Variants in MSRA observed in about 807,000 individuals in gnomAD.
The protein encoded by MSRA is mitochondrial peptide methionine sulfoxide reductase.
A neutral mutation model predicts 31.3 loss-of-function variants in MSRA; 54 were observed. The observed-to-expected ratio is 1.73, with a 90% confidence interval of 1.39 to 2.17. The LOEUF is 2.17. MSRA is among the 30% of genes most tolerant of loss of function. The pLI, the probability that MSRA is intolerant of heterozygous loss-of-function variation, is 0.00. For missense variants in MSRA, 507 were observed against 300.9 expected (o/e 1.69, Z -5.07); for synonymous variants, 169 against 116.5 (o/e 1.45, Z -2.90).
In MSRA at chr8:10,200,205, G is replaced by A. The variant is rs75719456; in HGVS notation, c.143-7628G>A. ...AGCGGGCCAGATGGTCGTGGAGGGC[G>A]GGGTTGACTGCGGGGAGGCCGTGGT... On this transcript the variant is annotated intron_variant, in intron 1 of 5. Coordinates refer to ENST00000317173, the MANE Select transcript of MSRA (RefSeq NM_012331.5). Among the ~76,000 whole-genome samples the A allele has an allele frequency of 2.9e-3, 445 of 152,312 alleles. 12 individuals carry two copies. The East Asian group carries it at 0.061, about 21-fold the overall frequency.
chr8:10,239,530 G>C (rs2975723), intron 2 of MSRA, among the ~76,000 whole-genome samples: 147,425 of 152,358 alleles, frequency 0.97, 71,489 homozygotes, highest in East Asian at 1. Flanking sequence ...GCTTGCAAGG[G>C]TGTGGCACAA....
intron 5 of MSRA, among the ~76,000 whole-genome samples, chr8:10,414,163 T>C (rs2129190522): frequency 6.6e-6 from 1 of 152,018 alleles, no homozygotes; most frequent in East Asian, 1.9e-4. Context: ...TGAGACTCTG[T>C]CTATGAAGAA....
At chr8:10,425,676 C>T (rs1563468198) in intron 5 of MSRA, among the ~76,000 whole-genome samples, 1 of 152,194 alleles carries the variant, frequency 6.6e-6, no homozygotes, top group Non-Finnish European at 1.5e-5. Flanking sequence ...AGCTCAGGGC[C>T]GGGAGCGAGG....
intron 5 of MSRA, among the ~76,000 whole-genome samples, chr8:10,329,438 T>G (rs1169920115): frequency 6.6e-6 from 1 of 152,198 alleles, no homozygotes; most frequent in Non-Finnish European, 1.5e-5. Flanking sequence ...GATCTCGTCC[T>G]GCATCTCTCT....
At chr8:10,295,256 C>G (rs978431675) in intron 3 of MSRA, among the ~76,000 whole-genome samples, 14 of 152,128 alleles carry the variant, frequency 9.2e-5, no homozygotes, top group Non-Finnish European at 1.9e-4. Flanking sequence ...TCAGCTCCAC[C>G]TGACTTCAAG....
At chr8:10,142,655 A>T (rs1563144460) in intron 1 of MSRA, among the ~76,000 whole-genome samples, 1 of 152,086 alleles carries the variant, frequency 6.6e-6, no homozygotes. Context: ...TACAACTCTG[A>T]CTTCTGTTTG....
At chr8:10,390,718 A>G (rs1424451244) in intron 5 of MSRA, among the ~76,000 whole-genome samples, 1 of 151,948 alleles carries the variant, frequency 6.6e-6, no homozygotes, top group Non-Finnish European at 1.5e-5. Context: ...TTTAACCCTG[A>G]TGAGGGGATG....
intron 5 of MSRA, among the ~76,000 whole-genome samples, chr8:10,413,353 A>G (rs769278498): frequency 1.8e-4 from 28 of 152,346 alleles, no homozygotes; most frequent in Middle Eastern, 3.4e-3. Context: ...CCACACCTGA[A>G]AGAGAAGACA....
chr8:10,054,791 C>T (rs1802225015), intron 1 of MSRA, 133 bp downstream of exon 1: 2 of 1,076,336 alleles, frequency 1.9e-6, no homozygotes, highest in African/African-American at 3.3e-5. Context: ...GGGGTCTGCG[C>T]AGGCGCGAAG....
intron 1 of MSRA, among the ~76,000 whole-genome samples, chr8:10,110,236 G>A (rs1397369838): frequency 6.6e-6 from 1 of 152,174 alleles, no homozygotes; most frequent in Non-Finnish European, 1.5e-5. Context: ...GGTTTGGACT[G>A]TTTCAGTGGA....
At chr8:10,329,511 C>T (rs1425689877) in intron 5 of MSRA, among the ~76,000 whole-genome samples, 1 of 152,226 alleles carries the variant, frequency 6.6e-6, no homozygotes, top group Non-Finnish European at 1.5e-5. Context: ...TCCCGCATCT[C>T]AACCCCCCTT....
chr8:10,284,482 A>G (rs1378862739), intron 3 of MSRA, among the ~76,000 whole-genome samples: 1 of 152,156 alleles, frequency 6.6e-6, no homozygotes, highest in African/African-American at 2.4e-5. Context: ...GCATGAGCCA[A>G]CATGCCCGGC....
At chr8:10,103,102 A>G (rs1302794370) in intron 1 of MSRA, among the ~76,000 whole-genome samples, 1 of 152,220 alleles carries the variant, frequency 6.6e-6, no homozygotes, top group Non-Finnish European at 1.5e-5. Flanking sequence ...TTTCTACTTT[A>G]TTAATTTAGA....
chr8:10,251,543 A>C (rs1361598500), intron 3 of MSRA, among the ~76,000 whole-genome samples: 1 of 152,188 alleles, frequency 6.6e-6, no homozygotes, highest in East Asian at 1.9e-4. Flanking sequence ...TTAGGCGTAA[A>C]ATTGGACCTT....
chr8:10,331,395 CAG>C (rs1020564313), intron 5 of MSRA, among the ~76,000 whole-genome samples: 50 of 152,310 alleles, frequency 3.3e-4, no homozygotes, highest in African/African-American at 1.2e-3. Context: ...AAATTAAGAA[CAG>C]TGGAATGTTG....
Position 10,207,888 on chromosome 8 carries a change from G to A in MSRA, c.198G>A (p.Gln66=). The A allele has an allele frequency of 6.2e-7, 1 of 1,611,354 alleles. No individual in the cohort carries two copies. Among genetic ancestry groups the A allele is most frequent in the African/African-American group, 1.3e-5 (1 of 74,740 alleles). Residue 66 remains glutamine (Q), a synonymous_variant, in exon 2 of 6, where the codon CAG becomes CAA. Coordinates refer to ENST00000317173, the MANE Select transcript of MSRA (RefSeq NM_012331.5). ...RTVEPFPEGT[Q]MAVFGMGCFW... ...TCGAACCTTTCCCAGAGGGAACACA[G>A]ATGGCTGTATTTGGTAAGATATCAA...
intron 5 of MSRA, among the ~76,000 whole-genome samples, chr8:10,335,244 A>C (rs1229880201): frequency 5.4e-5 from 7 of 129,362 alleles, no homozygotes; most frequent in African/African-American, 8.8e-5. Flanking sequence ...AACACCTCCC[A>C]GCTCTGTTTT....
intron 1 of MSRA, among the ~76,000 whole-genome samples, chr8:10,156,809 CTTT>C (rs58761026): frequency 1.5e-4 from 19 of 125,036 alleles, no homozygotes; most frequent in Admixed American, 3.3e-4. Context: ...AGCTTCATTC[CTTT>C]TTTTTTTTTT....
At chr8:10,079,374 C>T (rs572135574) in intron 1 of MSRA, among the ~76,000 whole-genome samples, 1 of 152,168 alleles carries the variant, frequency 6.6e-6, no homozygotes, top group South Asian at 2.1e-4. Flanking sequence ...AGGCTTGTCT[C>T]GAACTCGTGG....
Sources: allele counts gnomAD v4.1 joint callset (sites outside exome capture counted in the v4.1 genomes callset), GRCh38; gene constraint gnomAD v4.1.1; transcripts MANE v1.5; gene names NCBI Gene and HGNC (gene_info 2026-07-23, HGNC 2026-07-21).